The following DNAH6 variants were observed in gnomAD, a reference collection of about 807,000 sequenced individuals.
The protein encoded by DNAH6 is axonemal beta dynein heavy chain 6.
In DNAH6, 340 loss-of-function variants were observed where a neutral mutation model predicts 491.4. The ratio of observed to expected loss-of-function variants is 0.69; its 90% CI spans 0.63 to 0.76. The LOEUF is 0.76. Among genes scored for constraint, DNAH6 ranks in the 30% least tolerant of loss-of-function variants. DNAH6 has a pLI of 0.00. For synonymous variants in DNAH6, 1,603 were observed against 1,686.1 expected (o/e 0.95, Z 1.21); for missense variants, 4,443 against 4,972.2 (o/e 0.89, Z 3.20).
chr2:84,681,571 C>T, intron 42 of DNAH6, 43 bp downstream of exon 42: 1 of 1,427,954 alleles, frequency 7.0e-7, no homozygotes, highest in Non-Finnish European at 9.2e-7. Flanking sequence ...ACCCTCCCTA[C>T]TTTTCCATTG....
intron 66 of DNAH6, among the ~76,000 whole-genome samples, chr2:84,785,332 T>A (rs1293389542): frequency 6.6e-6 from 1 of 152,180 alleles, no homozygotes; most frequent in East Asian, 1.9e-4. Flanking sequence ...CTTTCTGACC[T>A]GTGTTTAGAA....
At chr2:84,675,055 T>C (rs958839234) in intron 40 of DNAH6, among the ~76,000 whole-genome samples, 2 of 152,198 alleles carry the variant, frequency 1.3e-5, no homozygotes, top group Admixed American at 6.5e-5. Context: ...TCTTCCCTTA[T>C]AATCTTCCTA....
intron 62 of DNAH6, among the ~76,000 whole-genome samples, chr2:84,738,706 A>G (rs993396518): frequency 2.0e-5 from 3 of 151,764 alleles, no homozygotes; most frequent in Non-Finnish European, 4.4e-5. Context: ...CCATCCCTTT[A>G]CTTTGAGCCT....
chr2:84,656,974 T>C (rs1691033804), intron 35 of DNAH6, among the ~76,000 whole-genome samples: 1 of 152,072 alleles, frequency 6.6e-6, no homozygotes, highest in South Asian at 2.1e-4. Context: ...TTTTTTGCTT[T>C]ACATTTATAA....
chr2:84,481,646 A>G, the DNAH6 span, among the ~76,000 whole-genome samples: 3 of 152,230 alleles, frequency 2.0e-5, no homozygotes, highest in Non-Finnish European at 2.9e-5. Context: ...TGTTCCCCAT[A>G]TGCTGCAAAC....
intron 10 of DNAH6, among the ~76,000 whole-genome samples, chr2:84,554,559 A>T (rs1679833534): frequency 6.6e-6 from 1 of 152,214 alleles, no homozygotes; most frequent in African/African-American, 2.4e-5. Flanking sequence ...AAGCTATTTG[A>T]CTTTAGGAAA....
intron 10 of DNAH6, among the ~76,000 whole-genome samples, chr2:84,555,429 A>G (rs1322233872): frequency 2.0e-5 from 3 of 152,060 alleles, no homozygotes; most frequent in African/African-American, 7.2e-5. Context: ...CTTCTCAGTC[A>G]TCTTTCCAAG....
chr2:84,652,262 C>T (rs1010158745), intron 33 of DNAH6, among the ~76,000 whole-genome samples: 1 of 151,854 alleles, frequency 6.6e-6, no homozygotes, highest in African/African-American at 2.4e-5. Flanking sequence ...AGTGGTTTTA[C>T]GAAGGCGCCT....
chr2:84,636,631 G>A (rs1688900767), intron 30 of DNAH6, among the ~76,000 whole-genome samples: 1 of 152,186 alleles, frequency 6.6e-6, no homozygotes, highest in Non-Finnish European at 1.5e-5. Context: ...CAGTGACAGT[G>A]GGGCCTCAAC....
upstream of DNAH6, among the ~76,000 whole-genome samples, chr2:84,514,867 T>TCACACACACACACACACACACACA (rs58335460): frequency 9.3e-5 from 13 of 139,110 alleles, no homozygotes; most frequent in African/African-American, 2.8e-4. Context: ...TTCACCACAG[T>TCACACACACACACACACACACACA]CACACACACA....
chr2:84,640,393 C>A, intron 31 of DNAH6, 37 bp from the exon 32 acceptor site: 1 of 1,283,812 alleles, frequency 7.8e-7, no homozygotes. Flanking sequence ...GTTATCAATA[C>A]AATATAATAA....
intron 11 of DNAH6, among the ~76,000 whole-genome samples, chr2:84,568,108 G>A (rs1215695998): frequency 6.6e-6 from 1 of 152,112 alleles, no homozygotes; most frequent in Non-Finnish European, 1.5e-5. Flanking sequence ...TGGAGGAATA[G>A]GAACGCTTTT....
intron 11 of DNAH6, among the ~76,000 whole-genome samples, chr2:84,560,556 C>T (rs1159167965): frequency 1.3e-5 from 2 of 151,206 alleles, no homozygotes; most frequent in African/African-American, 4.9e-5. Context: ...TGTGCTGCAC[C>T]CATTAACTCG....
At chr2:84,493,046 A>G in the DNAH6 span, among the ~76,000 whole-genome samples, 2 of 151,956 alleles carry the variant, frequency 1.3e-5, no homozygotes. Context: ...TATTTACTAT[A>G]GCAGGGGTTG....
intron 30 of DNAH6, among the ~76,000 whole-genome samples, chr2:84,636,339 C>A (rs560979311): frequency 6.6e-6 from 1 of 152,206 alleles, no homozygotes; most frequent in Non-Finnish European, 1.5e-5. Flanking sequence ...GGAATGGCTG[C>A]CCCTGTTCCT....
chr2:84,505,803 G>A, the DNAH6 span, among the ~76,000 whole-genome samples: 1 of 152,102 alleles, frequency 6.6e-6, no homozygotes, highest in African/African-American at 2.4e-5. Flanking sequence ...GTTAGAACAT[G>A]CGGTGTTTGT....
At chr2:84,691,116 T>C (rs896742557) in intron 45 of DNAH6, among the ~76,000 whole-genome samples, 10 of 152,224 alleles carry the variant, frequency 6.6e-5, no homozygotes, top group Non-Finnish European at 1.3e-4. Context: ...AGAGAAAATA[T>C]AACTTAGCTA....
At chr2:84,817,304 T>G (rs181101277) in intron 76 of DNAH6, among the ~76,000 whole-genome samples, 1 of 152,248 alleles carries the variant, frequency 6.6e-6, no homozygotes, top group East Asian at 1.9e-4. Context: ...TTATCCACCG[T>G]GCATATAAAA....
chr2:84,599,310 G>A (rs1177974014), intron 18 of DNAH6, among the ~76,000 whole-genome samples: 2 of 151,834 alleles, frequency 1.3e-5, no homozygotes, highest in Non-Finnish European at 2.9e-5. Context: ...GATTTTCACA[G>A]AGCAAAAAGT....
Sources: gnomAD v4.1 joint callset for allele counts (sites outside exome capture counted in the v4.1 genomes callset) on GRCh38, gnomAD v4.1.1 for gene constraint, MANE v1.5 for transcripts, NCBI Gene and HGNC (gene_info 2026-07-23, HGNC 2026-07-21) for gene names.